Variants in ACTR3B observed in about 807,000 individuals in gnomAD.
The protein encoded by ACTR3B is actin-related protein 3B.
Under a neutral mutation model 59.0 loss-of-function variants are expected in ACTR3B, and 8 were observed. That is an observed-to-expected ratio of 0.14 (90% CI 0.08 to 0.24). The LOEUF (loss-of-function observed/expected upper bound fraction) is 0.24, where lower values mean the gene tolerates loss of function less well. ACTR3B is among the 10% of genes least tolerant of loss of function. The pLI is 1.00. For missense variants in ACTR3B, 245 were observed against 552.3 expected (o/e 0.44, Z 5.58); for synonymous variants, 148 against 197.9 (o/e 0.75, Z 2.12).
chr7:152,838,858 A>G (rs2116946489), intron 9 of ACTR3B, among the ~76,000 whole-genome samples: 1 of 152,216 alleles, frequency 6.6e-6, no homozygotes, highest in South Asian at 2.1e-4. Context: ...TGTCCTGGGG[A>G]GACATGCTGT....
At chr7:152,829,844 A>T (rs923004931) in intron 9 of ACTR3B, among the ~76,000 whole-genome samples, 3 of 152,162 alleles carry the variant, frequency 2.0e-5, no homozygotes, top group Non-Finnish European at 4.4e-5. Flanking sequence ...AGCCAGTTTG[A>T]ATTGCTTTGT....
intron 10 of ACTR3B, 103 bp downstream of exon 10, chr7:152,852,354 A>G: frequency 2.1e-6 from 3 of 1,399,928 alleles, no homozygotes; most frequent in Non-Finnish European, 2.8e-6. Flanking sequence ...GCCGCGTAAA[A>G]TAAAAACAAG....
At position 152,845,598 on chromosome 7, in the gene ACTR3B, T is replaced by C. The variant is rs377500890; in HGVS notation, c.952-6528T>C. Among the ~76,000 whole-genome samples the C allele has an allele frequency of 5.4e-3, 818 of 151,854 alleles. 22 individuals are homozygous for C. Among genetic ancestry groups the C allele is most frequent in the Admixed American group, 0.037 (564 of 15,286 alleles). ...CAGCGCGAATGAGGGCTGTTTGGCC[T>C]CCGCCTGTTGCTGGGTTGTGACCTC... On this transcript the variant is annotated intron_variant, in intron 9 of 11. Coordinates refer to ENST00000256001, the MANE Select transcript of ACTR3B (RefSeq NM_020445.6).
intron 1 of ACTR3B, among the ~76,000 whole-genome samples, chr7:152,781,292 T>C (rs1246098874): frequency 6.6e-6 from 1 of 151,910 alleles, no homozygotes; most frequent in African/African-American, 2.4e-5. Context: ...TGATTTTTTT[T>C]TTCTGGTTCC....
intron 9 of ACTR3B, among the ~76,000 whole-genome samples, chr7:152,850,340 G>A (rs1220391251): frequency 1.3e-5 from 2 of 150,930 alleles, no homozygotes; most frequent in Admixed American, 1.3e-4. Context: ...CCAGGTGGAA[G>A]GCCAGCTTCT....
chr7:152,782,642 T>G (rs1030147309), intron 1 of ACTR3B, among the ~76,000 whole-genome samples: 5 of 151,832 alleles, frequency 3.3e-5, no homozygotes, highest in Non-Finnish European at 1.5e-5. Flanking sequence ...AAGAAAATTA[T>G]ATAATCATTT....
chr7:152,792,855 G>A (rs1371878917), intron 2 of ACTR3B, among the ~76,000 whole-genome samples: 2 of 152,078 alleles, frequency 1.3e-5, no homozygotes, highest in Non-Finnish European at 1.5e-5. Flanking sequence ...GACAAATTGT[G>A]TTAGTTTTAT....
intron 1 of ACTR3B, among the ~76,000 whole-genome samples, chr7:152,777,700 A>G (rs2098139585): frequency 6.6e-6 from 1 of 152,170 alleles, no homozygotes; most frequent in Admixed American, 6.5e-5. Context: ...CACGCCTGCA[A>G]TCCTAGCACT....
intron 9 of ACTR3B, among the ~76,000 whole-genome samples, chr7:152,833,935 G>A (rs1484647317): frequency 1.3e-5 from 2 of 152,118 alleles, no homozygotes; most frequent in African/African-American, 2.4e-5. Flanking sequence ...ATAAATAGAC[G>A]GTGGCTGACC....
intron 1 of ACTR3B, among the ~76,000 whole-genome samples, chr7:152,779,423 T>C (rs1239994293): frequency 6.6e-6 from 1 of 152,122 alleles, no homozygotes; most frequent in East Asian, 1.9e-4. Flanking sequence ...AACTAATAGG[T>C]AAACATTTTG....
At chr7:152,793,053 T>A (rs890423900) in intron 2 of ACTR3B, among the ~76,000 whole-genome samples, 1 of 150,964 alleles carries the variant, frequency 6.6e-6, no homozygotes, top group Non-Finnish European at 1.5e-5. Flanking sequence ...GGTCTTTAGT[T>A]TTTAGAAGTT....
chr7:152,819,881 C>T (rs1796010881), intron 6 of ACTR3B, among the ~76,000 whole-genome samples: 1 of 152,070 alleles, frequency 6.6e-6, no homozygotes, highest in African/African-American at 2.4e-5. Flanking sequence ...AACCAAATTG[C>T]TGACTTTTAA....
intron 9 of ACTR3B, among the ~76,000 whole-genome samples, chr7:152,840,852 TGCTGAAGTACGAGCCA>T (rs1485714827): frequency 1.0e-4 from 1 of 9,922 alleles, no homozygotes; most frequent in Non-Finnish European, 2.5e-4. Context: ...GTTCAGGGGC[TGCTGAAGTACGAGCCA>T]GCTCCCTCGA....
At chr7:152,832,994 G>A (rs1797148775) in intron 9 of ACTR3B, among the ~76,000 whole-genome samples, 1 of 152,162 alleles carries the variant, frequency 6.6e-6, no homozygotes, top group African/African-American at 2.4e-5. Flanking sequence ...TGTCACGGAA[G>A]TCAAGAAGGA....
intron 9 of ACTR3B, among the ~76,000 whole-genome samples, chr7:152,840,628 C>T (rs1167555339): frequency 4.7e-5 from 6 of 127,812 alleles, no homozygotes; most frequent in African/African-American, 8.7e-5. Flanking sequence ...TCTTCTTAAA[C>T]GCTTGTCTTC....
At chr7:152,813,838 T>G (rs1590341225) in intron 4 of ACTR3B, 1 of 131,374 alleles carries the variant, frequency 7.6e-6, no homozygotes, top group African/African-American at 2.8e-5. Context: ...CCTGGATATG[T>G]GTTTTTGTCT....
intron 2 of ACTR3B, among the ~76,000 whole-genome samples, chr7:152,798,042 A>G (rs1172255971): frequency 6.6e-6 from 1 of 152,058 alleles, no homozygotes; most frequent in Non-Finnish European, 1.5e-5. Context: ...TTTCCTTTGG[A>G]TATATGCCCA....
At chr7:152,797,633 C>T (rs910001392) in intron 2 of ACTR3B, among the ~76,000 whole-genome samples, 6 of 152,096 alleles carry the variant, frequency 3.9e-5, no homozygotes, top group Non-Finnish European at 7.3e-5. Context: ...ATTTATTTCT[C>T]CTATCTAACT....
chr7:152,797,030 T>G (rs1478101579), intron 2 of ACTR3B, among the ~76,000 whole-genome samples: 3 of 151,958 alleles, frequency 2.0e-5, no homozygotes, highest in Admixed American at 2.0e-4. Flanking sequence ...GAAACATTAT[T>G]TACTCTCTCC....
Sources: gnomAD v4.1 joint callset for allele counts (sites outside exome capture counted in the v4.1 genomes callset) on GRCh38, gnomAD v4.1.1 for gene constraint, MANE v1.5 for transcripts, NCBI Gene and HGNC (gene_info 2026-07-23, HGNC 2026-07-21) for gene names.